ZNF469: variants seen among roughly 807,000 people sequenced by gnomAD.
ZNF469 encodes zinc finger protein 469.
A neutral mutation model predicts 1.0 loss-of-function variants in ZNF469; 1 was observed. The ratio of observed to expected loss-of-function variants is 1.00; its 90% CI spans 0.35 to 4.73. The LOEUF is 4.73. Among genes scored for constraint, ZNF469 ranks in the 30% most tolerant of loss-of-function variants. The probability of loss-of-function intolerance (pLI) is 0.16; values close to 1 mark genes in which losing one functional copy is unlikely to be tolerated. For missense variants in ZNF469, 6,100 were observed against 5,356.3 expected, an observed-to-expected ratio of 1.14 and a Z score of -4.33; for synonymous variants, 2,703 against 2,363.4, an observed-to-expected ratio of 1.14 and a Z score of -4.17.
chr16:88,292,140 CT>C, the ZNF469 span, among the ~76,000 whole-genome samples: 1 of 152,188 alleles, frequency 6.6e-6, no homozygotes, highest in Admixed American at 6.5e-5. Context: ...GCAAAGGGGA[CT>C]TCCAGAGGCA....
chr16:88,301,764 C>A, the ZNF469 span, among the ~76,000 whole-genome samples: 1 of 152,216 alleles, frequency 6.6e-6, no homozygotes, highest in African/African-American at 2.4e-5. Flanking sequence ...TGTGTACATC[C>A]TTTTTGTGGG....
At chr16:88,147,646 G>A in the ZNF469 span, among the ~76,000 whole-genome samples, 9 of 152,208 alleles carry the variant, frequency 5.9e-5, no homozygotes, top group African/African-American at 1.4e-4. Context: ...GTGTGCTCAC[G>A]GGACGCTGTG....
the ZNF469 span, among the ~76,000 whole-genome samples, chr16:88,196,823 T>TGTCCGATGCCAAAGCTCTTTCTGA: frequency 6.6e-6 from 1 of 152,152 alleles, no homozygotes; most frequent in South Asian, 2.1e-4. Context: ...AGCACTGTTT[T>TGTCCGATGCCAAAGCTCTTTCTGA]GTCCGATGCC....
At chr16:88,267,782 GT>G in the ZNF469 span, among the ~76,000 whole-genome samples, 67 of 151,606 alleles carry the variant, frequency 4.4e-4, no homozygotes, top group African/African-American at 1.6e-3. Flanking sequence ...CACCGTGGCT[GT>G]TTGCAGGTCG....
chr16:88,335,150 G>A, the ZNF469 span, among the ~76,000 whole-genome samples: 234 of 152,330 alleles, frequency 1.5e-3, 1 homozygote, highest in African/African-American at 5.5e-3. Flanking sequence ...GCTGTGAGAG[G>A]ATGAACGTCT....
At chr16:88,321,042 C>T in the ZNF469 span, among the ~76,000 whole-genome samples, 1 of 152,244 alleles carries the variant, frequency 6.6e-6, no homozygotes, top group Non-Finnish European at 1.5e-5. Context: ...ATGTTGGGGT[C>T]AGGGTGGGGA....
intron 1 of ZNF469, among the ~76,000 whole-genome samples, chr16:88,396,131 T>G (rs1308278880): frequency 2.0e-5 from 3 of 152,262 alleles, no homozygotes; most frequent in African/African-American, 7.2e-5. Flanking sequence ...GTGCTTGTAC[T>G]TTGGGTCTGT....
the ZNF469 span, among the ~76,000 whole-genome samples, chr16:88,260,179 G>C: frequency 7.1e-3 from 1,068 of 151,370 alleles, 10 homozygotes; most frequent in African/African-American, 0.024. The surrounding 1 kb of genome is among the most constrained non-coding windows in gnomAD (Gnocchi z 4.1). Flanking sequence ...AGTAGAGACA[G>C]GGTTTTACCA....
At chr16:88,139,102 A>G in the ZNF469 span, among the ~76,000 whole-genome samples, 1 of 152,246 alleles carries the variant, frequency 6.6e-6, no homozygotes, top group Admixed American at 6.5e-5. Context: ...ACTAGAAATG[A>G]AGAGTGAAAT....
chr16:88,420,651 G>A (rs1292887506), intron 1 of ZNF469, among the ~76,000 whole-genome samples: 1 of 152,216 alleles, frequency 6.6e-6, no homozygotes, highest in Admixed American at 6.5e-5. Flanking sequence ...AATCCAGGAG[G>A]GCTTCCTGGA....
chr16:88,290,651 C>A, the ZNF469 span, among the ~76,000 whole-genome samples: 2 of 152,172 alleles, frequency 1.3e-5, no homozygotes, highest in Non-Finnish European at 2.9e-5. Context: ...ATATTGGGTC[C>A]CATCTATTCA....
At chr16:88,249,226 T>TC in the ZNF469 span, among the ~76,000 whole-genome samples, 3 of 142,930 alleles carry the variant, frequency 2.1e-5, no homozygotes. Flanking sequence ...AGCTTCTGTT[T>TC]AAAAAAAAAA....
the ZNF469 span, among the ~76,000 whole-genome samples, chr16:88,135,210 G>T: frequency 6.6e-6 from 1 of 152,270 alleles, no homozygotes; most frequent in African/African-American, 2.4e-5. Context: ...TAAATCTTCA[G>T]TGTCCTCATT....
At chr16:88,235,686 C>G in the ZNF469 span, among the ~76,000 whole-genome samples, 4 of 152,340 alleles carry the variant, frequency 2.6e-5, no homozygotes, top group South Asian at 8.3e-4. Flanking sequence ...AGACACCAAA[C>G]CGTGGTTCCC....
the ZNF469 span, among the ~76,000 whole-genome samples, chr16:88,122,346 G>A: frequency 6.6e-6 from 1 of 151,506 alleles, no homozygotes; most frequent in Non-Finnish European, 1.5e-5. Context: ...CAGCCACTCG[G>A]ATCACACTCC....
chr16:88,304,082 A>T, the ZNF469 span, among the ~76,000 whole-genome samples: 1 of 152,160 alleles, frequency 6.6e-6, no homozygotes, highest in Non-Finnish European at 1.5e-5. Flanking sequence ...TGCTCAGAGG[A>T]GGCTTGTTCT....
At chr16:88,321,779 G>C in the ZNF469 span, among the ~76,000 whole-genome samples, 3 of 152,058 alleles carry the variant, frequency 2.0e-5, no homozygotes, top group African/African-American at 7.3e-5. Flanking sequence ...TGCAGCCCTC[G>C]GATTCTGTTG....
the ZNF469 span, among the ~76,000 whole-genome samples, chr16:88,358,959 C>A: frequency 6.6e-6 from 1 of 152,188 alleles, no homozygotes; most frequent in African/African-American, 2.4e-5. Context: ...TTCTAACTTG[C>A]AGGCTGTGGG....
chr16:88,233,318 A>G, the ZNF469 span, among the ~76,000 whole-genome samples: 1 of 152,186 alleles, frequency 6.6e-6, no homozygotes, highest in Non-Finnish European at 1.5e-5. Context: ...GCCAACCTTC[A>G]GCACTGGGGC....
Sources: allele counts gnomAD v4.1 joint callset (sites outside exome capture counted in the v4.1 genomes callset), GRCh38; gene constraint gnomAD v4.1.1; non-coding constraint Gnocchi (gnomAD v3.1); transcripts MANE v1.5; gene names NCBI Gene and HGNC (gene_info 2026-07-23, HGNC 2026-07-21).